NSMCE2: variants seen among roughly 807,000 people sequenced by gnomAD.
The protein encoded by NSMCE2 is E3 SUMO-protein ligase NSE2.
NSMCE2 carries 24 observed loss-of-function variants against 23.8 expected under a neutral mutation model. The ratio of observed to expected loss-of-function variants is 1.01; its 90% CI spans 0.73 to 1.42. The LOEUF is 1.42. Ranked by LOEUF, NSMCE2 falls within the 40% of genes most tolerant of loss-of-function variation. NSMCE2 has a pLI of 0.00. For synonymous variants in NSMCE2, 92 were observed against 94.1 expected, an observed-to-expected ratio of 0.98 and a Z score of 0.13; for missense variants, 284 against 296.5, an observed-to-expected ratio of 0.96 and a Z score of 0.31.
intron 7 of NSMCE2, among the ~76,000 whole-genome samples, chr8:125,358,295 T>C (rs1813374520): frequency 6.6e-6 from 1 of 151,174 alleles, no homozygotes; most frequent in Middle Eastern, 3.2e-3. Flanking sequence ...ATTGTGCCAC[T>C]GCATTCCAAC....
chr8:125,364,927 C>G (rs534324114), intron 7 of NSMCE2, among the ~76,000 whole-genome samples: 36 of 152,290 alleles, frequency 2.4e-4, no homozygotes, highest in African/African-American at 8.4e-4. Context: ...TAGCTTGACT[C>G]CAAACATTGG....
At chr8:125,218,948 T>A (rs370530811) in intron 5 of NSMCE2, among the ~76,000 whole-genome samples, 10 of 152,284 alleles carry the variant, frequency 6.6e-5, no homozygotes, top group Admixed American at 3.9e-4. Context: ...ATATAAGGAC[T>A]CCATTTGGTC....
chr8:125,279,286 T>A (rs1043762337), intron 5 of NSMCE2, among the ~76,000 whole-genome samples: 1 of 152,164 alleles, frequency 6.6e-6, no homozygotes, highest in Non-Finnish European at 1.5e-5. Flanking sequence ...GGTTTTTTCT[T>A]ATATATATTG....
chr8:125,218,064 T>C (rs1416107376), intron 5 of NSMCE2, among the ~76,000 whole-genome samples: 1 of 152,212 alleles, frequency 6.6e-6, no homozygotes, highest in Non-Finnish European at 1.5e-5. Context: ...CTGCATAATA[T>C]CAGTATGTGC....
intron 7 of NSMCE2, among the ~76,000 whole-genome samples, chr8:125,360,047 C>T (rs199948891): frequency 6.6e-6 from 1 of 152,114 alleles, no homozygotes; most frequent in East Asian, 1.9e-4. Context: ...CGACATTTGA[C>T]GACTGACTGA....
At chr8:125,163,610 A>G (rs1821731293) in intron 4 of NSMCE2, among the ~76,000 whole-genome samples, 1 of 151,898 alleles carries the variant, frequency 6.6e-6, no homozygotes, top group Non-Finnish European at 1.5e-5. Flanking sequence ...TGTTTTGACT[A>G]CCCCCCTGCC....
chr8:125,151,110 A>G (rs1354309143), intron 3 of NSMCE2, 61 bp from the exon 4 acceptor site: 18 of 853,076 alleles, frequency 2.1e-5, no homozygotes, highest in Non-Finnish European at 3.1e-5. Flanking sequence ...TATTGATGCA[A>G]CTTTTTCCAG....
At chr8:125,117,562 T>TG (rs1272224574) in intron 3 of NSMCE2, among the ~76,000 whole-genome samples, 4 of 152,114 alleles carry the variant, frequency 2.6e-5, no homozygotes, top group African/African-American at 9.7e-5. Flanking sequence ...TTTTAAGAGA[T>TG]GGGGTCTTAC....
chr8:125,314,005 A>G (rs769619515), intron 5 of NSMCE2, among the ~76,000 whole-genome samples: 1 of 152,222 alleles, frequency 6.6e-6, no homozygotes, highest in Non-Finnish European at 1.5e-5. Context: ...GTTATTTAGA[A>G]TAATGGAAAG....
chr8:125,220,958 G>A (rs559583788), intron 5 of NSMCE2, among the ~76,000 whole-genome samples: 1 of 152,264 alleles, frequency 6.6e-6, no homozygotes, highest in African/African-American at 2.4e-5. Context: ...GGCCCTGTGT[G>A]TGCTAAAAAT....
chr8:125,228,830 C>T (rs149965985), intron 5 of NSMCE2, among the ~76,000 whole-genome samples: 35 of 152,246 alleles, frequency 2.3e-4, no homozygotes, highest in Non-Finnish European at 4.1e-4. Context: ...TCATTGAATT[C>T]ACGTTACAAT....
chr8:125,324,890 T>G (rs1444282355), intron 5 of NSMCE2, among the ~76,000 whole-genome samples: 2 of 151,518 alleles, frequency 1.3e-5, no homozygotes, highest in African/African-American at 4.8e-5. Context: ...GATAAAATTC[T>G]TTATGATGCA....
At chr8:125,176,912 T>C (rs565844912) in intron 4 of NSMCE2, among the ~76,000 whole-genome samples, 2 of 152,320 alleles carry the variant, frequency 1.3e-5, no homozygotes, top group South Asian at 2.1e-4. Context: ...CCTGCACTTA[T>C]TGTGAGTTTC....
chr8:125,173,303 A>G (rs1234300537), intron 4 of NSMCE2, among the ~76,000 whole-genome samples: 1 of 152,150 alleles, frequency 6.6e-6, no homozygotes, highest in Non-Finnish European at 1.5e-5. Context: ...GGGAATTGCA[A>G]GTTGGTCATT....
intron 5 of NSMCE2, among the ~76,000 whole-genome samples, chr8:125,332,051 A>G (rs1191964183): frequency 1.3e-5 from 2 of 152,220 alleles, no homozygotes; most frequent in African/African-American, 4.8e-5. Context: ...TTCTGCTGAT[A>G]TGAAGCCCAC....
chr8:125,184,395 C>T (rs1002163374), intron 5 of NSMCE2, among the ~76,000 whole-genome samples: 2 of 152,040 alleles, frequency 1.3e-5, no homozygotes, highest in Non-Finnish European at 2.9e-5. Context: ...GAAAATGTTT[C>T]CTCAGGCCAC....
At chr8:125,359,637 C>A (rs1230947901) in intron 7 of NSMCE2, among the ~76,000 whole-genome samples, 1 of 152,144 alleles carries the variant, frequency 6.6e-6, no homozygotes, top group African/African-American at 2.4e-5. Context: ...CCAGCCATGG[C>A]ATGCTTTCAT....
chr8:125,111,682 C>A (rs1818756598), intron 3 of NSMCE2, among the ~76,000 whole-genome samples: 1 of 152,138 alleles, frequency 6.6e-6, no homozygotes, highest in Admixed American at 6.5e-5. Context: ...TGCCTATAAT[C>A]CCAGCTACTT....
chr8:125,259,589 G>C (rs930387693), intron 5 of NSMCE2, among the ~76,000 whole-genome samples: 1 of 152,122 alleles, frequency 6.6e-6, no homozygotes, highest in African/African-American at 2.4e-5. Flanking sequence ...CCAAAAGTTG[G>C]AGACAACTGC....
Sources: allele counts gnomAD v4.1 joint callset (sites outside exome capture counted in the v4.1 genomes callset), GRCh38; gene constraint gnomAD v4.1.1; transcripts MANE v1.5; gene names NCBI Gene and HGNC (gene_info 2026-07-23, HGNC 2026-07-21).